Variants in CENPW observed in about 807,000 individuals in gnomAD.
CENPW encodes centromere protein W.
Under a neutral mutation model 11.1 loss-of-function variants are expected in CENPW, and 3 were observed. The ratio of observed to expected loss-of-function variants is 0.27; its 90% CI spans 0.12 to 0.70. The LOEUF (loss-of-function observed/expected upper bound fraction) is 0.70, where lower values mean the gene tolerates loss of function less well. Among genes scored for constraint, CENPW ranks in the 30% least tolerant of loss-of-function variants. CENPW has a pLI of 0.77. For missense variants in CENPW, 100 were observed against 105.6 expected (o/e 0.95, Z 0.23); for synonymous variants, 38 against 42.0 (o/e 0.91, Z 0.37).
chr6:126,420,227 T>G, the CENPW span, among the ~76,000 whole-genome samples: 2 of 151,738 alleles, frequency 1.3e-5, no homozygotes, highest in African/African-American at 4.8e-5. Flanking sequence ...GTCAGGAAAA[T>G]AAAGAGGGCC....
At chr6:126,474,421 C>A in the CENPW span, among the ~76,000 whole-genome samples, 1 of 152,108 alleles carries the variant, frequency 6.6e-6, no homozygotes, top group East Asian at 1.9e-4. Context: ...TACCAGGCAC[C>A]CACACTGTGA....
the CENPW span, among the ~76,000 whole-genome samples, chr6:126,426,183 A>G: frequency 6.6e-6 from 1 of 152,186 alleles, no homozygotes; most frequent in Non-Finnish European, 1.5e-5. Flanking sequence ...TATTTCAGAT[A>G]TCATAGTTAG....
intron 1 of CENPW, among the ~76,000 whole-genome samples, chr6:126,341,808 A>T (rs1249001115): frequency 1.3e-5 from 2 of 152,158 alleles, no homozygotes; most frequent in Non-Finnish European, 2.9e-5. Context: ...GCTGGTGCAA[A>T]TGGCTTAGTG....
chr6:126,389,562 C>G, the CENPW span, among the ~76,000 whole-genome samples: 2 of 151,734 alleles, frequency 1.3e-5, no homozygotes, highest in African/African-American at 4.8e-5. Flanking sequence ...CACACACACA[C>G]GCGTGCACAT....
Position 126,348,875 on chromosome 6 carries a change from G to C in CENPW, c.*383G>C, listed in dbSNP as rs1234254280. ...CTATGGAATTTAATCTCTGAAGAAA[G>C]GCAAATGCAGTCAAATCTAGGTGCA... On this transcript the variant is annotated 3_prime_UTR_variant, in exon 3 of 3. Transcript: ENST00000368328. 2 of 155,754 alleles carry C rather than the reference G, an allele frequency of 1.3e-5. No individual in the cohort carries two copies. Among genetic ancestry groups the C allele is most frequent in the Non-Finnish European group, 2.8e-5 (2 of 70,648 alleles). The allele number at this position is 155,754 out of a possible 1,614,324, so 9.6% of individuals were successfully genotyped here. A position where few individuals can be genotyped will look rare whatever the true frequency, so the allele number is the denominator to read the frequency against.
At chr6:126,344,627 C>T (rs1002822992) in intron 1 of CENPW, among the ~76,000 whole-genome samples, 2 of 152,136 alleles carry the variant, frequency 1.3e-5, no homozygotes, top group Non-Finnish European at 2.9e-5. Context: ...GGATGCTTTA[C>T]CTCAGAGTTC....
At chr6:126,364,353 C>T in the CENPW span, among the ~76,000 whole-genome samples, 1 of 152,080 alleles carries the variant, frequency 6.6e-6, no homozygotes, top group Non-Finnish European at 1.5e-5. Context: ...ATAATTTAGG[C>T]TCTCTTAAAG....
At position 126,346,237 on chromosome 6, in the gene CENPW, AT is replaced by A; in HGVS notation, c.161del (p.Leu54Ter). On this transcript the variant is annotated frameshift_variant, in exon 2 of 3. Coordinates refer to ENST00000368328, the MANE Select transcript of CENPW (RefSeq NM_001012507.4). LOFTEE classifies it high-confidence loss of function. ...TGAACTGTTTACTGTTTGTTCATCG[AT>A]TAGCAGAAGAGTCCAGGACAAACGC... ...HLNCLLFVHRLAEESRTNACA... is the reference protein window; with the variant it reads ...HLNCLLFVHRXAEESRTNACA... 6.2e-7 allele frequency: 1 copy of A among 1,605,166 alleles called. No homozygotes were observed. Among genetic ancestry groups the A allele is most frequent in the Non-Finnish European group, 8.5e-7 (1 of 1,173,490 alleles).
the CENPW span, among the ~76,000 whole-genome samples, chr6:126,471,571 A>G: frequency 6.6e-6 from 1 of 152,218 alleles, no homozygotes; most frequent in African/African-American, 2.4e-5. Flanking sequence ...ATGTTCATCA[A>G]CACTGGAATG....
At chr6:126,351,263 G>A (rs1780488013), downstream of CENPW, among the ~76,000 whole-genome samples, 1 of 151,632 alleles carries the variant, frequency 6.6e-6, no homozygotes, top group Admixed American at 6.6e-5. Context: ...CCTCCTTTTG[G>A]GTGACTTTTG....
downstream of CENPW, among the ~76,000 whole-genome samples, chr6:126,351,788 A>C (rs191688685): frequency 1.9e-3 from 286 of 151,868 alleles, 4 homozygotes; most frequent in Admixed American, 0.014. Flanking sequence ...AAAATCCTCA[A>C]CCTCATTTGA....
At chr6:126,467,346 C>T in the CENPW span, among the ~76,000 whole-genome samples, 1 of 152,020 alleles carries the variant, frequency 6.6e-6, no homozygotes, top group Admixed American at 6.6e-5. Flanking sequence ...CTGCACACCT[C>T]CAACAATCTG....
chr6:126,378,542 A>G, the CENPW span, among the ~76,000 whole-genome samples: 1 of 152,098 alleles, frequency 6.6e-6, no homozygotes, highest in Admixed American at 6.6e-5. Context: ...TGAGCACTCT[A>G]TCCCCAAATA....
chr6:126,383,495 A>G, the CENPW span, among the ~76,000 whole-genome samples: 1 of 152,146 alleles, frequency 6.6e-6, no homozygotes, highest in Non-Finnish European at 1.5e-5. Context: ...GGATAAAGAA[A>G]CAAAACCCAA....
chr6:126,389,518 T>C, the CENPW span, among the ~76,000 whole-genome samples: 2 of 151,988 alleles, frequency 1.3e-5, no homozygotes, highest in Non-Finnish European at 2.9e-5. Flanking sequence ...AGCCTGTGAA[T>C]ACTAGTTTAC....
At chr6:126,433,259 G>A in the CENPW span, among the ~76,000 whole-genome samples, 3 of 152,094 alleles carry the variant, frequency 2.0e-5, no homozygotes, top group African/African-American at 7.2e-5. Context: ...GTATTTCTAT[G>A]TTTAATTCTG....
At chr6:126,439,910 T>C in the CENPW span, among the ~76,000 whole-genome samples, 1 of 151,730 alleles carries the variant, frequency 6.6e-6, no homozygotes, top group African/African-American at 2.4e-5. Context: ...CCTTCATCTC[T>C]TTCCACACTT....
At chr6:126,440,718 A>C in the CENPW span, among the ~76,000 whole-genome samples, 5 of 151,526 alleles carry the variant, frequency 3.3e-5, no homozygotes, top group African/African-American at 9.7e-5. Flanking sequence ...CCTTCTAAAA[A>C]AGTCATCCTT....
the CENPW span, among the ~76,000 whole-genome samples, chr6:126,424,792 G>C: frequency 6.6e-6 from 1 of 152,132 alleles, no homozygotes; most frequent in Non-Finnish European, 1.5e-5. Context: ...TGAAAACAAA[G>C]ACTAAGAGAA....
Sources: allele counts gnomAD v4.1 joint callset (sites outside exome capture counted in the v4.1 genomes callset), GRCh38; gene constraint gnomAD v4.1.1; transcripts MANE v1.5; gene names NCBI Gene and HGNC (gene_info 2026-07-23, HGNC 2026-07-21).